The following CACNA1A variants were observed in gnomAD, a reference collection of about 807,000 sequenced individuals.
CACNA1A encodes calcium voltage-gated channel subunit alpha1 A, also known as voltage-dependent P/Q-type calcium channel subunit alpha-1A.
A neutral mutation model predicts 262.4 loss-of-function variants in CACNA1A; 57 were observed. The ratio of observed to expected loss-of-function variants is 0.22; its 90% CI spans 0.18 to 0.27. The LOEUF (loss-of-function observed/expected upper bound fraction) is 0.27, where lower values mean the gene tolerates loss of function less well. CACNA1A is among the 10% of genes least tolerant of loss of function. CACNA1A has a pLI of 1.00. For synonymous variants in CACNA1A, 1,431 were observed against 1,419.3 expected, an observed-to-expected ratio of 1.01 and a Z score of -0.18; for missense variants, 2,526 against 3,562.8, an observed-to-expected ratio of 0.71 and a Z score of 7.41.
intron 31 of CACNA1A, among the ~76,000 whole-genome samples, chr19:13,237,814 G>T (rs916334670): frequency 2.6e-5 from 4 of 152,186 alleles, no homozygotes; most frequent in African/African-American, 9.7e-5. Context: ...TGGGGATGGG[G>T]CCGATGGCTC....
rs1313722979 is a variant in CACNA1A, at chr19:13,308,826, CCCA to C, written c.1669-301_1669-299del. ...TGAGTAGCTGGGATTACAGGTGTGC[CCCA>C]CCACATCTGGCTAATTTTAAAACAT... On this transcript the variant is annotated intron_variant, in intron 12 of 46. Coordinates refer to ENST00000360228, the MANE Select transcript of CACNA1A (RefSeq NM_001127222.2). The surrounding 1 kb of genome is among the most constrained non-coding windows in gnomAD (Gnocchi z 4.2). 3.0e-5 allele frequency: 7 copies of C among 234,482 alleles called. No individual in the cohort carries two copies. The highest frequency in any genetic ancestry group is 1.1e-4 in the African/African-American group (5 of 44,208). 14.5% of individuals were successfully genotyped at this position (234,482 alleles called of 1,614,324 possible). A position where few individuals can be genotyped will look rare whatever the true frequency, so the allele number is the denominator to read the frequency against.
chr19:13,355,984 T>A (rs1400349720), intron 6 of CACNA1A, among the ~76,000 whole-genome samples: 1 of 152,216 alleles, frequency 6.6e-6, no homozygotes, highest in Non-Finnish European at 1.5e-5. Flanking sequence ...GGCGAGAAGC[T>A]GTGTTCTAGG....
At chr19:13,428,041 CCTACCTCAG>C (rs1450147397) in intron 3 of CACNA1A, among the ~76,000 whole-genome samples, 1 of 152,126 alleles carries the variant, frequency 6.6e-6, no homozygotes, top group African/African-American at 2.4e-5. Context: ...AAGCGATTCT[CCTACCTCAG>C]CCAAGTAGCT....
At position 13,303,086 on chromosome 19, in the gene CACNA1A, G is replaced by A. The variant is rs201157107; in HGVS notation, c.2172+460C>T. ...AAGCCAGAGGAAGAGAGAAGGTGGGGACATTTATTGGCCACTCCATCTGTG... is the reference window on the plus strand; with the variant it reads ...AAGCCAGAGGAAGAGAGAAGGTGGGAACATTTATTGGCCACTCCATCTGTG... On this transcript the variant is annotated intron_variant, in intron 17 of 46. Coordinates refer to ENST00000360228, the MANE Select transcript of CACNA1A (RefSeq NM_001127222.2). 3.9e-5 allele frequency among the ~76,000 whole-genome samples: 6 copies of A among 152,142 alleles called. No individual in the cohort carries two copies. The East Asian group carries it at 9.7e-4, about 25-fold the overall frequency.
Position 13,466,039 on chromosome 19 carries a change from G to C in CACNA1A, c.294-10827C>G, listed in dbSNP as rs112518906. ...GGAGAAGGAGAGAGACTGCTTAATGGGTACAAGGTCTCCTTTAGGGGTGGT... is the reference window on the plus strand; with the variant it reads ...GGAGAAGGAGAGAGACTGCTTAATGCGTACAAGGTCTCCTTTAGGGGTGGT... On this transcript the variant is annotated intron_variant, in intron 1 of 46. Transcript: ENST00000360228. Among the ~76,000 whole-genome samples the C allele has an allele frequency of 7.0e-3, 1,060 of 152,092 alleles. 4 individuals are homozygous for C. Among genetic ancestry groups the C allele is most frequent in the Non-Finnish European group, 0.012 (818 of 67,992 alleles).
At position 13,351,707 on chromosome 19, in the gene CACNA1A, A is replaced by C. The variant is rs542141129; in HGVS notation, c.978+7899T>G. Among the ~76,000 whole-genome samples, 3 of 152,020 alleles carry C rather than the reference A, an allele frequency of 2.0e-5. No homozygotes were observed. The East Asian group carries it at 5.8e-4, about 30-fold the overall frequency. On this transcript the variant is annotated intron_variant, in intron 6 of 46. Transcript: ENST00000360228. ...GTATTTTTAGTAGAGACGGGGTTTCACCCTGTTGGCCAGGCTGGTCTCGAA... is the reference window on the plus strand; with the variant it reads ...GTATTTTTAGTAGAGACGGGGTTTCCCCCTGTTGGCCAGGCTGGTCTCGAA...
chr19:13,280,109 G>A (rs1195418511), intron 22 of CACNA1A, among the ~76,000 whole-genome samples: 1 of 152,034 alleles, frequency 6.6e-6, no homozygotes, highest in Non-Finnish European at 1.5e-5. Context: ...CATTCAAGCT[G>A]CATTTACTGA....
chr19:13,413,571 TAAAAAA>T (rs58314938), intron 3 of CACNA1A, among the ~76,000 whole-genome samples: 5 of 71,870 alleles, frequency 7.0e-5, no homozygotes, highest in Non-Finnish European at 1.2e-4. Flanking sequence ...GGTCCTGTCT[TAAAAAA>T]AAAAAAAAAA....
At chr19:13,433,538 C>T (rs73925303) in intron 3 of CACNA1A, among the ~76,000 whole-genome samples, 2,026 of 148,918 alleles carry the variant, frequency 0.014, 48 homozygotes, top group African/African-American at 0.048. Flanking sequence ...GCACCCAGAG[C>T]CTTGGATCAG....
chr19:13,382,043 C>T (rs8112250), intron 3 of CACNA1A, among the ~76,000 whole-genome samples: 314 of 152,044 alleles, frequency 2.1e-3, no homozygotes, highest in South Asian at 3.9e-3. Context: ...CGCAGTTGAA[C>T]GCTGATAAGC....
At chr19:13,505,887 G>C (rs1042846942) in intron 1 of CACNA1A, 45 bp downstream of exon 1, 1 of 1,581,210 alleles carries the variant, frequency 6.3e-7, no homozygotes, top group African/African-American at 1.3e-5. Flanking sequence ...GGCGGAGGGA[G>C]GAGGGGGAGG....
In CACNA1A at chr19:13,437,691, CAAAAAAAA is replaced by C. The variant is rs35266881; in HGVS notation, c.539+15177_539+15184del. Among the ~76,000 whole-genome samples the C allele has an allele frequency of 9.2e-5, 6 of 64,944 alleles. No homozygotes were observed. The East Asian group carries it at 1.7e-3, about 19-fold the overall frequency. The allele number at this position is 64,944 out of a possible 152,430, so 42.6% of individuals were successfully genotyped here. A position where few individuals can be genotyped will look rare whatever the true frequency, so the allele number is the denominator to read the frequency against. On this transcript the variant is annotated intron_variant, in intron 3 of 46. Coordinates refer to ENST00000360228, the MANE Select transcript of CACNA1A (RefSeq NM_001127222.2). ...GGGCAACAAGAGTGAAACCCCATCT[CAAAAAAAA>C]AAAAAAAAAAAAAAAGAAACAAAAA... is the stretch of plus-strand genomic sequence containing the variant.
chr19:13,312,318 A>C (rs945741990), intron 12 of CACNA1A, among the ~76,000 whole-genome samples: 3 of 152,248 alleles, frequency 2.0e-5, no homozygotes, highest in Non-Finnish European at 4.4e-5. Flanking sequence ...AAGAAGAAAT[A>C]GAAATCATAT....
chr19:13,210,557 G>T (rs995809655), intron 44 of CACNA1A, 60 bp downstream of exon 44: 2 of 1,455,586 alleles, frequency 1.4e-6, no homozygotes, highest in African/African-American at 1.4e-5. Context: ...CCCTGGAGGG[G>T]GGGTGGGGAG....
At chr19:13,466,996 A>C (rs1273617735) in intron 1 of CACNA1A, among the ~76,000 whole-genome samples, 1 of 151,904 alleles carries the variant, frequency 6.6e-6, no homozygotes, top group East Asian at 1.9e-4. Context: ...CCCACCTCCC[A>C]AAACACTGGG....
At chr19:13,496,087 TCCAC>T (rs1376573831) in intron 1 of CACNA1A, among the ~76,000 whole-genome samples, 7 of 75,214 alleles carry the variant, frequency 9.3e-5, no homozygotes, top group Middle Eastern at 5.7e-3. Context: ...CATCCATCCA[TCCAC>T]CCAGACATCC....
At chr19:13,339,774 TAA>T (rs200259831) in intron 6 of CACNA1A, among the ~76,000 whole-genome samples, 51 of 138,778 alleles carry the variant, frequency 3.7e-4, no homozygotes, top group Non-Finnish European at 3.5e-4. Flanking sequence ...TGCCATGGAT[TAA>T]AAAAAAAAAA....
At chr19:13,501,999 G>T (rs906762458) in intron 1 of CACNA1A, among the ~76,000 whole-genome samples, 1 of 152,028 alleles carries the variant, frequency 6.6e-6, no homozygotes, top group African/African-American at 2.4e-5. Context: ...CAGCCAAGCC[G>T]GTCTAGTACA....
At chr19:13,389,370 A>G (rs1160492613) in intron 3 of CACNA1A, among the ~76,000 whole-genome samples, 1 of 152,030 alleles carries the variant, frequency 6.6e-6, no homozygotes, top group Non-Finnish European at 1.5e-5. Flanking sequence ...GTGCTGGAGT[A>G]AGCATTCTCG....
Sources: gnomAD v4.1 joint callset for allele counts (sites outside exome capture counted in the v4.1 genomes callset) on GRCh38, gnomAD v4.1.1 for gene constraint, Gnocchi (gnomAD v3.1) non-coding constraint, MANE v1.5 for transcripts, NCBI Gene and HGNC (gene_info 2026-07-23, HGNC 2026-07-21) for gene names.